The following FRMD4A variants were observed in gnomAD, a reference collection of about 807,000 sequenced individuals.
FRMD4A encodes FERM domain containing 4A, also known as FERM domain-containing protein 4A.
FRMD4A carries 29 observed loss-of-function variants against 129.1 expected under a neutral mutation model. That is an observed-to-expected ratio of 0.22 (90% CI 0.17 to 0.31). FRMD4A has a LOEUF of 0.31. Among genes scored for constraint, FRMD4A ranks in the 10% least tolerant of loss-of-function variants. FRMD4A has a pLI of 1.00. For synonymous variants in FRMD4A, 634 were observed against 571.6 expected (o/e 1.11, Z -1.56); for missense variants, 1,272 against 1,375.8 (o/e 0.92, Z 1.19).
intron 2 of FRMD4A, among the ~76,000 whole-genome samples, chr10:14,068,944 C>T (rs1205943243): frequency 4.3e-5 from 6 of 139,322 alleles, no homozygotes; most frequent in African/African-American, 2.6e-5. Flanking sequence ...CTCTTAAATA[C>T]GTCTCGAATG....
intron 2 of FRMD4A, among the ~76,000 whole-genome samples, chr10:13,959,473 A>T (rs1304570570): frequency 1.4e-3 from 1 of 710 alleles, no homozygotes; most frequent in African/African-American, 3.5e-3. Context: ...CTGTTTCATA[A>T]AAAAAAAAAA....
chr10:13,802,593 T>C (rs925488461), intron 4 of FRMD4A, among the ~76,000 whole-genome samples: 3 of 152,168 alleles, frequency 2.0e-5, no homozygotes, highest in African/African-American at 2.4e-5. Flanking sequence ...CTGGAACTAC[T>C]GGCACATACC....
intron 5 of FRMD4A, among the ~76,000 whole-genome samples, chr10:13,795,526 T>A (rs773410450): frequency 4.6e-5 from 7 of 152,234 alleles, no homozygotes; most frequent in Non-Finnish European, 8.8e-5. Context: ...CTGATCATGC[T>A]CTTTAGGAAT....
intron 2 of FRMD4A, among the ~76,000 whole-genome samples, chr10:13,956,510 A>G (rs1018564721): frequency 1.3e-5 from 2 of 152,244 alleles, no homozygotes; most frequent in African/African-American, 4.8e-5. Context: ...ACAGAAGACA[A>G]AACTGAGGCT....
At chr10:13,778,785 A>G (rs924460247) in intron 6 of FRMD4A, among the ~76,000 whole-genome samples, 25 of 152,256 alleles carry the variant, frequency 1.6e-4, no homozygotes, top group Admixed American at 7.8e-4. Flanking sequence ...AGGGTGCACC[A>G]TAGCCTGGCC....
At chr10:13,947,941 G>A (rs970626071) in intron 2 of FRMD4A, among the ~76,000 whole-genome samples, 31 of 152,012 alleles carry the variant, frequency 2.0e-4, no homozygotes, top group African/African-American at 7.2e-4. Flanking sequence ...GCTCATGCCT[G>A]TAATTCCGGC....
At chr10:13,946,891 C>T (rs181093465) in intron 2 of FRMD4A, among the ~76,000 whole-genome samples, 2 of 152,086 alleles carry the variant, frequency 1.3e-5, no homozygotes, top group Admixed American at 6.6e-5. Flanking sequence ...GACTTGACCT[C>T]GGGGAGCTTA....
intron 3 of FRMD4A, among the ~76,000 whole-genome samples, chr10:13,853,823 C>T (rs1288618129): frequency 9.2e-5 from 11 of 119,478 alleles, no homozygotes; most frequent in Admixed American, 3.7e-4. Flanking sequence ...TAGAGCAAGA[C>T]TCTCTCAAAA....
At chr10:13,652,073 CGAAAG>C (rs1329860404) in intron 23 of FRMD4A, 99 bp from the exon 24 acceptor site, 8 of 767,654 alleles carry the variant, frequency 1.0e-5, no homozygotes, top group Admixed American at 1.8e-5. Flanking sequence ...TTAATATATC[CGAAAG>C]GCTTGCTGAT....
At chr10:13,865,642 C>T (rs1354016077) in intron 2 of FRMD4A, among the ~76,000 whole-genome samples, 1 of 150,698 alleles carries the variant, frequency 6.6e-6, no homozygotes, top group Non-Finnish European at 1.5e-5. Context: ...TGTAGAGACA[C>T]GTCTCACTAT....
At chr10:14,319,367 T>TCTCTCTCTCTCA (rs112041665) in intron 2 of FRMD4A, among the ~76,000 whole-genome samples, 26 of 145,156 alleles carry the variant, frequency 1.8e-4, no homozygotes, top group African/African-American at 5.9e-4. Context: ...TCTCTCTCTC[T>TCTCTCTCTCTCA]CACACACACA....
intron 9 of FRMD4A, among the ~76,000 whole-genome samples, chr10:13,742,281 G>C (rs781570871): frequency 6.6e-6 from 1 of 152,146 alleles, no homozygotes; most frequent in African/African-American, 2.4e-5. Flanking sequence ...CCCCGCTTTC[G>C]GAAGGGCAGA....
chr10:13,903,100 T>A lies in FRMD4A; in HGVS notation c.46-44188A>T, dbSNP rs1266180565. ...CAGGGCCTTTGCACTTCCATCTGCT[T>A]GGAAGGCCCTCCTCCAGATACCAGT... On this transcript the variant is annotated intron_variant, in intron 2 of 24. Transcript: ENST00000357447. Among the ~76,000 whole-genome samples, 3 of 152,274 alleles carry A rather than the reference T, an allele frequency of 2.0e-5. No homozygotes were observed. The East Asian group carries it at 5.8e-4, about 29-fold the overall frequency.
chr10:13,815,924 C>A (rs1229990410), intron 3 of FRMD4A, among the ~76,000 whole-genome samples: 32 of 152,160 alleles, frequency 2.1e-4, no homozygotes, highest in Admixed American at 2.1e-3. Context: ...TTTGCCTTAC[C>A]ATGGTGATAT....
chr10:13,922,797 G>A (rs2095088458), intron 2 of FRMD4A, among the ~76,000 whole-genome samples: 1 of 152,124 alleles, frequency 6.6e-6, no homozygotes, highest in Admixed American at 6.5e-5. Flanking sequence ...TAGTAGAGCT[G>A]AATCATTACA....
At chr10:13,984,024 C>T (rs1300810188) in intron 2 of FRMD4A, among the ~76,000 whole-genome samples, 1 of 151,488 alleles carries the variant, frequency 6.6e-6, no homozygotes, top group Non-Finnish European at 1.5e-5. Context: ...AACTGGGAAC[C>T]ACGGCTCCTC....
chr10:13,786,362 T>C (rs1464437529), intron 5 of FRMD4A, among the ~76,000 whole-genome samples: 1 of 152,214 alleles, frequency 6.6e-6, no homozygotes, highest in Non-Finnish European at 1.5e-5. Flanking sequence ...CCCAGCACTT[T>C]GGGAGGCCAA....
At chr10:13,728,109 G>A (rs1333078466) in intron 12 of FRMD4A, among the ~76,000 whole-genome samples, 1 of 152,176 alleles carries the variant, frequency 6.6e-6, no homozygotes, top group Non-Finnish European at 1.5e-5. Flanking sequence ...AACTCCTAGG[G>A]TTTCAGAGAA....
intron 2 of FRMD4A, among the ~76,000 whole-genome samples, chr10:13,964,424 T>A (rs901222737): frequency 1.3e-5 from 2 of 151,446 alleles, no homozygotes; most frequent in Non-Finnish European, 2.9e-5. Flanking sequence ...TTATTTTATT[T>A]TTCCTATAGT....
Sources: allele counts gnomAD v4.1 joint callset (sites outside exome capture counted in the v4.1 genomes callset), GRCh38; gene constraint gnomAD v4.1.1; transcripts MANE v1.5; gene names NCBI Gene and HGNC (gene_info 2026-07-23, HGNC 2026-07-21).